PDE4D: variants seen among roughly 807,000 people sequenced by gnomAD.
PDE4D encodes 3',5'-cyclic-AMP phosphodiesterase 4D.
PDE4D carries 24 observed loss-of-function variants against 87.4 expected under a neutral mutation model. The observed-to-expected ratio is 0.27, with a 90% confidence interval of 0.20 to 0.39. The LOEUF (loss-of-function observed/expected upper bound fraction) is 0.39, where lower values mean the gene tolerates loss of function less well. PDE4D is among the 10% of genes least tolerant of loss of function. PDE4D has a pLI of 1.00. For missense variants in PDE4D, 714 were observed against 1,041.0 expected (o/e 0.69, Z 4.32); for synonymous variants, 384 against 383.2 (o/e 1.00, Z -0.02).
intron 1 of PDE4D, among the ~76,000 whole-genome samples, chr5:59,776,752 C>T (rs1347968052): frequency 6.6e-6 from 1 of 151,982 alleles, no homozygotes; most frequent in Non-Finnish European, 1.5e-5. Flanking sequence ...TCTAAAACAT[C>T]AGGGCTTAAG....
At chr5:60,223,754 T>C (rs1333068993) in intron 1 of PDE4D, among the ~76,000 whole-genome samples, 2 of 152,146 alleles carry the variant, frequency 1.3e-5, no homozygotes, top group African/African-American at 2.4e-5. Flanking sequence ...ATGGTAGATA[T>C]TGATCTCACA....
chr5:59,646,260 C>T (rs1742424542), intron 1 of PDE4D, among the ~76,000 whole-genome samples: 1 of 152,100 alleles, frequency 6.6e-6, no homozygotes. Flanking sequence ...TGGTATAAAG[C>T]CTGGACCCAC....
At chr5:60,344,229 A>T (rs79666826) in intron 1 of PDE4D, among the ~76,000 whole-genome samples, 147 of 152,262 alleles carry the variant, frequency 9.7e-4, no homozygotes, top group South Asian at 7.9e-3. Context: ...CATACTTGCT[A>T]TCTTGCTGCC....
intron 3 of PDE4D, among the ~76,000 whole-genome samples, chr5:59,970,734 T>C (rs1483681964): frequency 4.7e-5 from 7 of 147,568 alleles, no homozygotes; most frequent in African/African-American, 1.7e-4. Context: ...TGTGGAGAAA[T>C]AGGAACACTT....
intron 1 of PDE4D, among the ~76,000 whole-genome samples, chr5:60,193,061 C>A (rs1785323276): frequency 6.6e-6 from 1 of 152,092 alleles, no homozygotes; most frequent in Non-Finnish European, 1.5e-5. Context: ...AAATTAAGTT[C>A]TCTCTTCCTG....
chr5:59,431,332 T>G (rs958781258), intron 1 of PDE4D, among the ~76,000 whole-genome samples: 1 of 152,162 alleles, frequency 6.6e-6, no homozygotes, highest in Non-Finnish European at 1.5e-5. Context: ...CTAGCCTTTA[T>G]GCCATTTGCT....
At chr5:59,187,714 CTTG>C (rs1420428982) in intron 3 of PDE4D, among the ~76,000 whole-genome samples, 1 of 152,006 alleles carries the variant, frequency 6.6e-6, no homozygotes, top group Non-Finnish European at 1.5e-5. Context: ...AATAAATAAT[CTTG>C]TAGAGAAATT....
intron 1 of PDE4D, among the ~76,000 whole-genome samples, chr5:60,475,784 T>G (rs1748260587): frequency 6.7e-6 from 1 of 148,168 alleles, no homozygotes; most frequent in South Asian, 2.2e-4. Context: ...AAACAAGCTA[T>G]TTATTCTCTA....
At chr5:59,980,256 C>T (rs1761781258) in intron 3 of PDE4D, among the ~76,000 whole-genome samples, 2 of 152,088 alleles carry the variant, frequency 1.3e-5, no homozygotes, top group African/African-American at 4.8e-5. Context: ...GTGTTTGTTG[C>T]AAAGAAACTA....
At chr5:59,455,705 C>T (rs1014852412) in intron 1 of PDE4D, among the ~76,000 whole-genome samples, 1 of 152,234 alleles carries the variant, frequency 6.6e-6, no homozygotes, top group African/African-American at 2.4e-5. Flanking sequence ...AAGCAGCAGA[C>T]ACTCAACACC....
At chr5:60,304,956 T>A (rs954408734) in intron 1 of PDE4D, among the ~76,000 whole-genome samples, 2 of 151,732 alleles carry the variant, frequency 1.3e-5, no homozygotes, top group African/African-American at 4.8e-5. Flanking sequence ...CCCACTCAAC[T>A]TGGGTATCTT....
chr5:59,869,239 A>G (rs768073808), intron 1 of PDE4D, among the ~76,000 whole-genome samples: 9 of 152,228 alleles, frequency 5.9e-5, no homozygotes, highest in Non-Finnish European at 1.0e-4. Context: ...TTGGAGAATC[A>G]GAGACACATA....
chr5:59,599,625 A>C (rs1204650439), intron 1 of PDE4D, among the ~76,000 whole-genome samples: 1 of 152,160 alleles, frequency 6.6e-6, no homozygotes, highest in African/African-American at 2.4e-5. Flanking sequence ...CTAAACCATC[A>C]TCTCAGACTC....
At chr5:59,290,484 A>T (rs960700803) in intron 1 of PDE4D, among the ~76,000 whole-genome samples, 1 of 152,080 alleles carries the variant, frequency 6.6e-6, no homozygotes, top group Non-Finnish European at 1.5e-5. Context: ...AAAAGAAAAC[A>T]TTGAAGAAAG....
At chr5:60,451,629 T>C (rs946913900) in intron 1 of PDE4D, among the ~76,000 whole-genome samples, 2 of 152,082 alleles carry the variant, frequency 1.3e-5, no homozygotes, top group Non-Finnish European at 2.9e-5. Flanking sequence ...ATTAAGGATG[T>C]TGGAACCACT....
chr5:59,969,496 T>A (rs1760453789), intron 3 of PDE4D, among the ~76,000 whole-genome samples: 1 of 152,182 alleles, frequency 6.6e-6, no homozygotes, highest in Non-Finnish European at 1.5e-5. Context: ...CCTGCTAATG[T>A]CTCACCTGCC....
chr5:60,229,965 A>G (rs1038148047), intron 1 of PDE4D, among the ~76,000 whole-genome samples: 1 of 152,134 alleles, frequency 6.6e-6, no homozygotes, highest in Non-Finnish European at 1.5e-5. Context: ...CTCCTCACAG[A>G]AGAAACTATT....
chr5:59,344,593 C>A (rs970340853), intron 1 of PDE4D, among the ~76,000 whole-genome samples: 3 of 152,018 alleles, frequency 2.0e-5, no homozygotes, highest in Non-Finnish European at 4.4e-5. Flanking sequence ...GAAATGGGGT[C>A]TCACTCTGTA....
intron 3 of PDE4D, among the ~76,000 whole-genome samples, chr5:59,969,536 G>T (rs1435080): frequency 0.62 from 94,610 of 152,020 alleles, 32,092 homozygotes; most frequent in East Asian, 0.83. Context: ...AAGGTTTGGG[G>T]AATGACTTGT....
Sources: gnomAD v4.1 joint callset for allele counts (sites outside exome capture counted in the v4.1 genomes callset) on GRCh38, gnomAD v4.1.1 for gene constraint, MANE v1.5 for transcripts, NCBI Gene and HGNC (gene_info 2026-07-23, HGNC 2026-07-21) for gene names.